Variants in ARMC5 observed in about 807,000 individuals in gnomAD.
The protein encoded by ARMC5 is armadillo repeat containing 5.
ARMC5 carries 28 observed loss-of-function variants against 60.5 expected under a neutral mutation model. That is an observed-to-expected ratio of 0.46 (90% CI 0.34 to 0.63). The LOEUF is 0.63. ARMC5 is among the 30% of genes least tolerant of loss of function. The pLI, the probability that ARMC5 is intolerant of heterozygous loss-of-function variation, is 0.01. For synonymous variants in ARMC5, 680 were observed against 607.3 expected, an observed-to-expected ratio of 1.12 and a Z score of -1.76; for missense variants, 1,189 against 1,304.9, an observed-to-expected ratio of 0.91 and a Z score of 1.37.
rs780433743 is a variant in ARMC5, at chr16:31,465,184, G to T, written c.1864+297G>T. ...GTGCTTCTTTCCTGGCTCTGCCATTGGTTCAGCACTGTCCTGACTGCTCCC... is the reference window on the plus strand; with the variant it reads ...GTGCTTCTTTCCTGGCTCTGCCATTTGTTCAGCACTGTCCTGACTGCTCCC... On this transcript the variant is annotated intron_variant, in intron 4 of 5. Coordinates refer to ENST00000268314, the MANE Select transcript of ARMC5 (RefSeq NM_001105247.2). 12 of 1,598,538 alleles carry T rather than the reference G, an allele frequency of 7.5e-6. No individual in the cohort carries two copies. The East Asian group carries it at 2.2e-4, about 30-fold the overall frequency.
Position 31,462,398 on chromosome 16 carries a change from G to C in ARMC5, c.851G>C (p.Gly284Ala), listed in dbSNP as rs769419964. 2 of 1,609,518 alleles carry C rather than the reference G, an allele frequency of 1.2e-6. No individual in the cohort carries two copies. The highest frequency in any genetic ancestry group is 1.7e-6 in the Non-Finnish European group (2 of 1,177,314). The change falls in exon 3 of 6, where the codon GGC (glycine) becomes GCC (alanine). Residue 284 changes from glycine (G) to alanine (A), a missense_variant. Physicochemically the swap from Gly to Ala is moderately conservative, Grantham distance 60 (BLOSUM62 0). Transcript: ENST00000268314. The surrounding 1 kb of genome is among the most constrained non-coding windows in gnomAD (Gnocchi z 7.2). ...AEQLSLGGGL[G>A]PLVSLASHPK... ...CAGCTAAGTCTGGGTGGGGGATTGGGCCCACTCGTCAGCCTGGCTTCCCAC... is the reference window on the plus strand; with the variant it reads ...CAGCTAAGTCTGGGTGGGGGATTGGCCCCACTCGTCAGCCTGGCTTCCCAC...
chr16:31,458,872 A>G, upstream of ARMC5: 1 of 1,535,558 alleles, frequency 6.5e-7, no homozygotes. Flanking sequence ...TCCTGAGCTC[A>G]CGAGCACGTC....
upstream of ARMC5, chr16:31,459,479 G>T: frequency 6.4e-7 from 1 of 1,571,330 alleles, no homozygotes; most frequent in Admixed American, 1.9e-5. Context: ...TCCGCTCCCT[G>T]GGATCAGCGG....
rs372733855 is a variant in ARMC5 at position 31,462,752 on chromosome 16, G to A, written c.1205G>A (p.Gly402Glu). The A allele has an allele frequency of 2.5e-6, 4 of 1,613,732 alleles. No homozygotes were observed. Among genetic ancestry groups the A allele is most frequent in the Non-Finnish European group, 3.4e-6 (4 of 1,180,030 alleles). Reference protein sequence around the residue: ...AALVGFLYDTGALGRLQALGL... With the variant: ...AALVGFLYDTEALGRLQALGL... ...CTTGTGGGGTTTCTGTATGACACTG[G>A]GGCCCTGGGCCGGCTGCAGGCTCTG... Residue 402 changes from glycine to glutamate, a missense_variant, in exon 3 of 6, where the codon GGG (glycine) becomes GAG (glutamate). Coordinates refer to ENST00000268314, the MANE Select transcript of ARMC5 (RefSeq NM_001105247.2). The surrounding 1 kb of genome is among the most constrained non-coding windows in gnomAD (Gnocchi z 7.2).
Position 31,466,769 on chromosome 16 carries a change from G to A in ARMC5, c.2688G>A (p.Arg896=). Residue 896 remains arginine (R), a synonymous_variant, in exon 6 of 6, where the codon AGG becomes AGA. Coordinates refer to ENST00000268314, the MANE Select transcript of ARMC5 (RefSeq NM_001105247.2). This position sits in a 1 kb window ranked among gnomAD's most constrained non-coding sequence, Gnocchi z 8.0. The stretch of plus-strand genomic sequence containing the variant: ...CACTGGGGTCAGAGCAGTGCCCGAG[G>A]AAGCGGGGTCTGGCCCTGGTGGGGC... ...RWTLGSEQCP[R]KRGLALVGLV... 6.3e-7 allele frequency: 1 copy of A among 1,577,334 alleles called. No individual in the cohort carries two copies. Among genetic ancestry groups the A allele is most frequent in the Non-Finnish European group, 8.6e-7 (1 of 1,163,218 alleles).
At chr16:31,459,065 G>T, upstream of ARMC5, 1 of 1,502,082 alleles carries the variant, frequency 6.7e-7, no homozygotes, top group South Asian at 1.3e-5. Context: ...CCGGCTCGGG[G>T]TTCTCGGAGT....
upstream of ARMC5, chr16:31,459,420 C>T: frequency 6.5e-7 from 1 of 1,539,382 alleles, no homozygotes; most frequent in Non-Finnish European, 8.7e-7. Flanking sequence ...TGCGGTGGCG[C>T]TAAACAGCGT....
upstream of ARMC5, chr16:31,458,861 C>G (rs1402506272): frequency 6.5e-7 from 1 of 1,535,458 alleles, no homozygotes; most frequent in Non-Finnish European, 8.7e-7. Flanking sequence ...TAGATGCCAG[C>G]TCCTGAGCTC....
At chr16:31,460,091 C>T in intron 1 of ARMC5, 92 bp downstream of exon 1, 1 of 1,358,440 alleles carries the variant, frequency 7.4e-7, no homozygotes, top group Non-Finnish European at 1.0e-6. Context: ...TGTGTCCTAT[C>T]CCGGAATAAC....
chr16:31,464,956 G>T lies in ARMC5; in HGVS notation c.1864+69G>T. The T allele has an allele frequency of 6.2e-7, 1 of 1,611,308 alleles. No homozygotes were observed. Among genetic ancestry groups the T allele is most frequent in the Non-Finnish European group, 8.5e-7 (1 of 1,178,656 alleles). ...CCCATCCTCCCCCATGGCTTCCATG[G>T]GCCCAGAACCTCACCTTCCCACTCA... On this transcript the variant is annotated intron_variant, in intron 4 of 5. Coordinates refer to ENST00000268314, the MANE Select transcript of ARMC5 (RefSeq NM_001105247.2). The surrounding 1 kb of genome is among the most constrained non-coding windows in gnomAD (Gnocchi z 7.6).
At chr16:31,465,168 T>C (rs1292907986) in intron 4 of ARMC5, 1 of 1,608,362 alleles carries the variant, frequency 6.2e-7, no homozygotes, top group Non-Finnish European at 8.5e-7. Context: ...TGTGCTTCTT[T>C]CCTGGCTCTG....
chr16:31,459,283 C>T (rs2082275739), upstream of ARMC5: 1 of 1,534,390 alleles, frequency 6.5e-7, no homozygotes, highest in African/African-American at 1.4e-5. Flanking sequence ...AGAAGCTCGA[C>T]GCGGACCACA....
At position 31,464,700 on chromosome 16, in the gene ARMC5, G is replaced by T; in HGVS notation, c.1677G>T (p.Pro559=). The T allele has an allele frequency of 6.3e-7, 1 of 1,598,628 alleles. No individual in the cohort carries two copies. The change falls in exon 4 of 6, where the codon CCG becomes CCT. Residue 559 remains proline (P), a synonymous_variant. Coordinates refer to ENST00000268314, the MANE Select transcript of ARMC5 (RefSeq NM_001105247.2). This position sits in a 1 kb window ranked among gnomAD's most constrained non-coding sequence, Gnocchi z 7.6. ...TGCTGACCTATGTGACCGGCGCACCGGGCCCGCCCAGCCCACGTGCACTGC... is the reference window on the plus strand; with the variant it reads ...TGCTGACCTATGTGACCGGCGCACCTGGCCCGCCCAGCCCACGTGCACTGC... The part of the protein sequence containing the change: ...YGLLTYVTGA[P]GPPSPRALRI...
Position 31,462,863 on chromosome 16 carries a change from T to A in ARMC5, c.1316T>A (p.Phe439Tyr). Reference protein sequence around the residue: ...EEGREAASWDFPEERTPERAQ... With the variant: ...EEGREAASWDYPEERTPERAQ... The stretch of plus-strand genomic sequence containing the variant: ...GGAAGAGAAGCTGCTTCCTGGGACT[T>A]TCCTGAGGAGAGGACCCCTGAGCGG... The change falls in exon 3 of 6, where the codon TTT (phenylalanine) becomes TAT (tyrosine). Residue 439 changes from phenylalanine (F) to tyrosine (Y), a missense_variant. This residue lies in a region of ARMC5 where 862 missense variants were observed against 1,071.2 expected (regional missense o/e 0.80). Transcript: ENST00000268314. The surrounding 1 kb of genome is among the most constrained non-coding windows in gnomAD (Gnocchi z 7.2). 1.2e-6 allele frequency: 2 copies of A among 1,613,562 alleles called. No homozygotes were observed. Among genetic ancestry groups the A allele is most frequent in the Non-Finnish European group, 1.7e-6 (2 of 1,179,804 alleles).
chr16:31,460,020 T>G, intron 1 of ARMC5, 21 bp downstream of exon 1: 2 of 1,591,918 alleles, frequency 1.3e-6, no homozygotes, highest in Non-Finnish European at 8.5e-7. Context: ...CGCCCCCGTT[T>G]CCTAGAAAGA....
At chr16:31,459,400 C>T, upstream of ARMC5, 1 of 1,537,628 alleles carries the variant, frequency 6.5e-7, no homozygotes, top group Non-Finnish European at 8.7e-7. Flanking sequence ...CAACTTCCGA[C>T]TTGCATCACT....
chr16:31,459,279 T>C (rs748816845), upstream of ARMC5: 1 of 1,534,266 alleles, frequency 6.5e-7, no homozygotes, highest in South Asian at 1.2e-5. Context: ...CGTGAGAAGC[T>C]CGACGCGGAC....
In ARMC5 at chr16:31,461,904, C is replaced by T; in HGVS notation, c.476-18C>T. 6.2e-7 allele frequency: 1 copy of T among 1,609,320 alleles called. No individual in the cohort carries two copies. Among genetic ancestry groups the T allele is most frequent in the Non-Finnish European group, 8.5e-7 (1 of 1,175,636 alleles). ...CAGTAAGGGGTAGAACCCTCACAAGCCCAAACTGTCGTTGCAGTGACCATT... is the reference window on the plus strand; with the variant it reads ...CAGTAAGGGGTAGAACCCTCACAAGTCCAAACTGTCGTTGCAGTGACCATT... On this transcript the variant is annotated intron_variant, in intron 1 of 5. Transcript: ENST00000268314.
rs768230478 is a variant in ARMC5, at chr16:31,459,994, C to T, written c.470C>T (p.Pro157Leu). Residue 157 changes from proline to leucine, a missense_variant, in exon 1 of 6, where the codon CCT becomes CTT. Pro to Leu is a moderately conservative substitution (Grantham distance 98). Coordinates refer to ENST00000268314, the MANE Select transcript of ARMC5 (RefSeq NM_001105247.2). ...TEVRRLGGIL[P>L]LVTILQCMKT... ...GTGCGCAGACTCGGAGGCATACTCC[C>T]TTTGGGTAAGTGCTCCGCCCCCGTT... The T allele has an allele frequency of 1.3e-6, 2 of 1,596,096 alleles. No individual in the cohort carries two copies. The highest frequency in any genetic ancestry group is 8.5e-7 in the Non-Finnish European group (1 of 1,178,076).
Sources: allele counts gnomAD v4.1 joint callset, GRCh38; gene constraint gnomAD v4.1.1; regional missense constraint gnomAD v4.1.1; non-coding constraint Gnocchi (gnomAD v3.1); transcripts MANE v1.5; gene names NCBI Gene and HGNC (gene_info 2026-07-23, HGNC 2026-07-21).